Variants in ARHGAP40 observed in about 807,000 individuals in gnomAD.
ARHGAP40 encodes Rho GTPase activating protein 40, also known as rho GTPase-activating protein 40.
A neutral mutation model predicts 73.5 loss-of-function variants in ARHGAP40; 43 were observed. That is an observed-to-expected ratio of 0.58 (90% confidence interval 0.46 to 0.75). The LOEUF (loss-of-function observed/expected upper bound fraction) is 0.75, where lower values mean the gene tolerates loss of function less well. Ranked by LOEUF, ARHGAP40 falls within the 30% of genes least tolerant of loss-of-function variation. ARHGAP40 has a pLI of 0.00. For synonymous variants in ARHGAP40, 300 were observed against 352.8 expected (o/e 0.85, Z 1.68); for missense variants, 734 against 861.8 (o/e 0.85, Z 1.86).
intron 1 of ARHGAP40, among the ~76,000 whole-genome samples, chr20:38,616,039 C>T (rs897334787): frequency 6.6e-6 from 1 of 152,142 alleles, no homozygotes; most frequent in Non-Finnish European, 1.5e-5. Flanking sequence ...TGTCCAGGGA[C>T]GGCTCTTCTC....
chr20:38,614,594 C>A (rs528343843), intron 1 of ARHGAP40, among the ~76,000 whole-genome samples: 2 of 152,106 alleles, frequency 1.3e-5, no homozygotes, highest in Non-Finnish European at 2.9e-5. Context: ...CCCAAGGTGA[C>A]GGTTTCCATG....
In ARHGAP40 at chr20:38,641,193, T is replaced by C. The variant is rs533151380; in HGVS notation, c.1280-533T>C. Among the ~76,000 whole-genome samples the C allele has an allele frequency of 1.1e-4, 17 of 152,262 alleles. No individual in the cohort carries two copies. In the East Asian group the frequency reaches 3.3e-3, roughly 29 times the overall value. On this transcript the variant is annotated intron_variant, in intron 9 of 14. Transcript: ENST00000373345. ...GTCTCCTACGCAGCTCTTCTCCAGG[T>C]TCCAGCCAGCTCTCAGCTGCTGGGT...
chr20:38,615,364 G>T (rs1254482871), intron 1 of ARHGAP40: 2 of 756,578 alleles, frequency 2.6e-6, no homozygotes, highest in Admixed American at 1.8e-5. Context: ...GTAAACCAGG[G>T]TTAAAAGGCC....
At chr20:38,617,344 A>T (rs2088847588) in intron 1 of ARHGAP40, among the ~76,000 whole-genome samples, 1 of 152,026 alleles carries the variant, frequency 6.6e-6, no homozygotes, top group Non-Finnish European at 1.5e-5. Flanking sequence ...TGCCCTTGGG[A>T]AAGGCCTTTG....
At chr20:38,643,648 T>G (rs529707749) in intron 10 of ARHGAP40, 56 bp from the exon 11 acceptor site, 1 of 1,267,018 alleles carries the variant, frequency 7.9e-7, no homozygotes, top group African/African-American at 1.5e-5. Flanking sequence ...CTGGGGATGG[T>G]GGGGAGGCGC....
At chr20:38,627,621 G>A (rs2088909706) in intron 3 of ARHGAP40, among the ~76,000 whole-genome samples, 5 of 139,240 alleles carry the variant, frequency 3.6e-5, no homozygotes, top group East Asian at 2.1e-4. Flanking sequence ...GTGTGTTGGT[G>A]TGTGTGTGTT....
chr20:38,613,497 G>A (rs140685006), intron 1 of ARHGAP40, among the ~76,000 whole-genome samples: 1 of 152,262 alleles, frequency 6.6e-6, no homozygotes, highest in Non-Finnish European at 1.5e-5. Flanking sequence ...GGTGTCATTG[G>A]TCTGGCTGGG....
intron 1 of ARHGAP40, among the ~76,000 whole-genome samples, chr20:38,603,411 A>G (rs774165119): frequency 4.3e-4 from 15 of 35,112 alleles, no homozygotes; most frequent in South Asian, 4.1e-3. Context: ...TTATCTGTCT[A>G]TCTATCTATC....
intron 13 of ARHGAP40, 69 bp downstream of exon 13, chr20:38,647,195 GCCA>G: frequency 8.1e-7 from 1 of 1,229,992 alleles, no homozygotes; most frequent in South Asian, 1.4e-5. Flanking sequence ...AGAGCTGAAG[GCCA>G]CCAGGGGGTT....
intron 1 of ARHGAP40, among the ~76,000 whole-genome samples, chr20:38,604,904 C>T (rs1309627128): frequency 6.6e-6 from 1 of 151,800 alleles, no homozygotes; most frequent in East Asian, 1.9e-4. Flanking sequence ...ATCACCGTTA[C>T]CTCTTTTGTT....
chr20:38,631,743 A>G (rs2088939683), intron 5 of ARHGAP40, among the ~76,000 whole-genome samples: 1 of 152,010 alleles, frequency 6.6e-6, no homozygotes, highest in Non-Finnish European at 1.5e-5. Context: ...AGCCTTCCCA[A>G]CTGACCACCA....
intron 1 of ARHGAP40, among the ~76,000 whole-genome samples, chr20:38,622,592 A>T (rs1294428324): frequency 6.6e-6 from 1 of 152,286 alleles, no homozygotes; most frequent in East Asian, 1.9e-4. Flanking sequence ...AAAGGGAAGG[A>T]TGTGGGAGTC....
exon 2 of ARHGAP40, chr20:38,623,533 C>T (rs779714720): frequency 1.6e-5 from 21 of 1,289,418 alleles, no homozygotes; most frequent in South Asian, 2.5e-5. Context: ...AGGACAGTGG[C>T]GGGAATGAAG....
intron 6 of ARHGAP40, among the ~76,000 whole-genome samples, chr20:38,636,541 G>A (rs1259054907): frequency 6.6e-6 from 1 of 152,036 alleles, no homozygotes; most frequent in Non-Finnish European, 1.5e-5. Flanking sequence ...GGGGTTACAG[G>A]CATGAGTCAC....
chr20:38,612,533 G>A (rs2088809966), intron 1 of ARHGAP40, among the ~76,000 whole-genome samples: 2 of 152,254 alleles, frequency 1.3e-5, no homozygotes, highest in Middle Eastern at 3.4e-3. Flanking sequence ...AATTAGCTGG[G>A]CATGGTGGAA....
intron 3 of ARHGAP40, among the ~76,000 whole-genome samples, chr20:38,628,040 C>T (rs1157228034): frequency 1.3e-5 from 2 of 152,186 alleles, no homozygotes; most frequent in African/African-American, 2.4e-5. Context: ...CCCGATAGGC[C>T]GTGTCCAGGA....
chr20:38,612,349 G>A (rs758893604), intron 1 of ARHGAP40, among the ~76,000 whole-genome samples: 1 of 152,166 alleles, frequency 6.6e-6, no homozygotes, highest in Non-Finnish European at 1.5e-5. Flanking sequence ...ACTGAAACAA[G>A]TATGTAGTTT....
chr20:38,611,665 G>A (rs6070764), intron 1 of ARHGAP40, among the ~76,000 whole-genome samples: 94,183 of 151,784 alleles, frequency 0.62, 33,320 homozygotes, highest in East Asian at 0.86. Flanking sequence ...GCAAGCTCCC[G>A]GGTTCACGCC....
intron 1 of ARHGAP40, among the ~76,000 whole-genome samples, chr20:38,611,866 G>A: frequency 6.6e-6 from 1 of 151,868 alleles, no homozygotes; most frequent in Non-Finnish European, 1.5e-5. Context: ...GAGCCACCGT[G>A]CCTGGCCACA....
Sources: allele counts gnomAD v4.1 joint callset (sites outside exome capture counted in the v4.1 genomes callset), GRCh38; gene constraint gnomAD v4.1.1; transcripts MANE v1.5; gene names NCBI Gene and HGNC (gene_info 2026-07-23, HGNC 2026-07-21).